INSL5: variants seen among roughly 807,000 people sequenced by gnomAD.
The protein encoded by INSL5 is insulin like 5.
A neutral mutation model predicts 4.3 loss-of-function variants in INSL5; 3 were observed. The ratio of observed to expected loss-of-function variants is 0.70; its 90% CI spans 0.32 to 1.82. The LOEUF (loss-of-function observed/expected upper bound fraction) is 1.82. INSL5 is among the 40% of genes most tolerant of loss of function. INSL5 has a pLI of 0.08. For missense variants in INSL5, 168 were observed against 160.9 expected (o/e 1.04, Z -0.24); for synonymous variants, 68 against 56.6 (o/e 1.20, Z -0.90).
rs1327925946 is a variant in INSL5, at chr1:66,800,903, ATAAT to A, written c.175+140_175+143del. The A allele has an allele frequency of 1.7e-5, 10 of 575,412 alleles. No homozygotes were observed. The South Asian group carries it at 2.1e-4, about 12-fold the overall frequency. 35.6% of individuals were successfully genotyped at this position (575,412 alleles called of 1,614,324 possible). A position where few individuals can be genotyped will look rare whatever the true frequency, so the allele number is the denominator to read the frequency against. On this transcript the variant is annotated intron_variant, in intron 1 of 1. Coordinates refer to ENST00000304526, the MANE Select transcript of INSL5 (RefSeq NM_005478.6). The stretch of plus-strand genomic sequence containing the variant: ...CCCAAGCCAAATTCAGTATATTTTG[ATAAT>A]TAATCCCTTAAATTGACATAAAAAA...
In INSL5 at chr1:66,798,031, A is replaced by T; in HGVS notation, c.390T>A (p.Asp130Glu). 6.2e-7 allele frequency: 1 copy of T among 1,613,514 alleles called. No homozygotes were observed. The highest frequency in any genetic ancestry group is 8.5e-7 in the Non-Finnish European group (1 of 1,179,484). Residue 130 changes from aspartate (D) to glutamate (E), a missense_variant, in exon 2 of 2, where the codon GAT becomes GAA. Physicochemically the swap from Asp to Glu is conservative, Grantham distance 45. Transcript: ENST00000304526. Reference sequence around the variant, plus strand: ...TCTTGTCTTAGCAAAGAGCACTCAAATCAGTCATGGAACAGCCATCAGTGC... The same window carrying T: ...TCTTGTCTTAGCAAAGAGCACTCAATTCAGTCATGGAACAGCCATCAGTGC... ...LCCTDGCSMT[D>E]LSALC
chr1:66,800,987 T>G, intron 1 of INSL5, 60 bp downstream of exon 1: 1 of 1,290,834 alleles, frequency 7.7e-7, no homozygotes, highest in Non-Finnish European at 1.1e-6. Context: ...AAAACACAGC[T>G]TGAAAAAATA....
rs767912355 is a variant in INSL5 at position 66,797,771 on chromosome 1, G to A, written c.*242C>T. 66 of 365,562 alleles carry A rather than the reference G, an allele frequency of 1.8e-4. 1 individual carries two copies. Among genetic ancestry groups the A allele is most frequent in the South Asian group, 7.4e-4 (9 of 12,146 alleles). The allele number at this position is 365,562 out of a possible 1,614,324, so 22.6% of individuals were successfully genotyped here. A position where few individuals can be genotyped will look rare whatever the true frequency, so the allele number is the denominator to read the frequency against. On this transcript the variant is annotated 3_prime_UTR_variant, in exon 2 of 2. Coordinates refer to ENST00000304526, the MANE Select transcript of INSL5 (RefSeq NM_005478.6). ...TATAGCATTTTTATTGCAATTTTGC[G>A]CAGCATTTGAAATTTCAAAGCATTA... is the stretch of plus-strand genomic sequence containing the variant.
rs556065123 is a variant in INSL5 at position 66,799,353 on chromosome 1, A to T, written c.176-1108T>A. Among the ~76,000 whole-genome samples, 55 of 152,368 alleles carry T rather than the reference A, an allele frequency of 3.6e-4. 1 individual carries two copies. In the South Asian group the frequency reaches 0.011, roughly 31 times the overall value. On this transcript the variant is annotated intron_variant, in intron 1 of 1. Coordinates refer to ENST00000304526, the MANE Select transcript of INSL5 (RefSeq NM_005478.6). Reference sequence around the variant, plus strand: ...AAATACACTCTTAAGCAAGGCACAGAAAGACAAACACCACATGATCTCACT... The same window carrying T: ...AAATACACTCTTAAGCAAGGCACAGTAAGACAAACACCACATGATCTCACT...
Position 66,797,743 on chromosome 1 carries a change from G to A in INSL5, c.*270C>T. The stretch of plus-strand genomic sequence containing the variant: ...AAAAGAAAACAGCACAGTGAGCTTG[G>A]TTTATAGCATTTTTATTGCAATTTT... On this transcript the variant is annotated 3_prime_UTR_variant, in exon 2 of 2. Transcript: ENST00000304526. The A allele has an allele frequency of 3.1e-6, 1 of 325,474 alleles. No homozygotes were observed. The highest frequency in any genetic ancestry group is 5.6e-6 in the Non-Finnish European group (1 of 178,476). 20.2% of individuals were successfully genotyped at this position (325,474 alleles called of 1,614,324 possible).
At chr1:66,799,456 G>T (rs1011067022) in intron 1 of INSL5, among the ~76,000 whole-genome samples, 2 of 152,062 alleles carry the variant, frequency 1.3e-5, no homozygotes, top group Non-Finnish European at 2.9e-5. Context: ...AGGGTGAGGG[G>T]GATGGTTGGG....
At chr1:66,799,306 T>C (rs750067974) in intron 1 of INSL5, among the ~76,000 whole-genome samples, 13 of 152,310 alleles carry the variant, frequency 8.5e-5, no homozygotes, top group Admixed American at 2.0e-4. Context: ...GTATAAAACA[T>C]AGCAAATACA....
In INSL5 at chr1:66,797,837, G is replaced by A. The variant is rs1268163679; in HGVS notation, c.*176C>T. On this transcript the variant is annotated 3_prime_UTR_variant, in exon 2 of 2. Coordinates refer to ENST00000304526, the MANE Select transcript of INSL5 (RefSeq NM_005478.6). ...AACAGTTCATTAACCTTGGCAAAGGGAGAAAATAGAGATCACTGTGGTTTC... is the reference window on the plus strand; with the variant it reads ...AACAGTTCATTAACCTTGGCAAAGGAAGAAAATAGAGATCACTGTGGTTTC... 1.8e-6 allele frequency: 1 copy of A among 567,908 alleles called. No individual in the cohort carries two copies. The highest frequency in any genetic ancestry group is 3.1e-6 in the Non-Finnish European group (1 of 319,498). The allele number at this position is 567,908 out of a possible 1,614,324, so 35.2% of individuals were successfully genotyped here.
intron 1 of INSL5, 61 bp downstream of exon 1, chr1:66,800,986 C>T: frequency 7.8e-7 from 1 of 1,280,818 alleles, no homozygotes; most frequent in Non-Finnish European, 1.1e-6. Context: ...TAAAACACAG[C>T]TTGAAAAAAT....
rs1557882338 is a variant in INSL5, at chr1:66,801,062, G to A, written c.160C>T (p.Pro54Ser). Reference sequence around the variant, plus strand: ...TTACTGTTACCTTGCTGAGCTTGAGGGATCCCCTCCTGATGCCTTCTCCAC... The same window carrying A: ...TTACTGTTACCTTGCTGAGCTTGAGAGATCCCCTCCTGATGCCTTCTCCAC... ...SRWRRHQEGI[P>S]QAQQAETGNS... Residue 54 changes from proline (P) to serine (S), a missense_variant, in exon 1 of 2, where the codon CCT (proline) becomes TCT (serine). Coordinates refer to ENST00000304526, the MANE Select transcript of INSL5 (RefSeq NM_005478.6). 1.2e-6 allele frequency: 2 copies of A among 1,611,506 alleles called. No homozygotes were observed. Among genetic ancestry groups the A allele is most frequent in the South Asian group, 2.2e-5 (2 of 90,750 alleles).
intron 1 of INSL5, among the ~76,000 whole-genome samples, 173 bp downstream of exon 1, chr1:66,800,874 C>T (rs1645371488): frequency 6.6e-6 from 1 of 152,178 alleles, no homozygotes; most frequent in South Asian, 2.1e-4. Context: ...ATGCTCATCA[C>T]TTTCCCAAGC....
At chr1:66,800,586 G>C (rs549457210) in intron 1 of INSL5, among the ~76,000 whole-genome samples, 1 of 152,140 alleles carries the variant, frequency 6.6e-6, no homozygotes, top group Non-Finnish European at 1.5e-5. Context: ...TGAATGAAAT[G>C]TTGCACATGT....
rs922962877 is a variant in INSL5 at position 66,799,256 on chromosome 1, C to G, written c.176-1011G>C. Among the ~76,000 whole-genome samples, 4 of 152,158 alleles carry G rather than the reference C, an allele frequency of 2.6e-5. No homozygotes were observed. In the East Asian group the frequency reaches 5.8e-4, roughly 22 times the overall value. On this transcript the variant is annotated intron_variant, in intron 1 of 1. Transcript: ENST00000304526. ...TTAACAATCATACATATAGTCGCAACATTTATTATGTAATCACATTTTTCC... is the reference window on the plus strand; with the variant it reads ...TTAACAATCATACATATAGTCGCAAGATTTATTATGTAATCACATTTTTCC...
At chr1:66,799,830 C>T (rs1235692434) in intron 1 of INSL5, among the ~76,000 whole-genome samples, 2 of 152,136 alleles carry the variant, frequency 1.3e-5, no homozygotes, top group African/African-American at 4.8e-5. Context: ...CGGAAGATTG[C>T]TTGAAGCCAG....
At position 66,798,112 on chromosome 1, in the gene INSL5, A is replaced by T; in HGVS notation, c.309T>A (p.Leu103=). The T allele has an allele frequency of 6.2e-7, 1 of 1,614,064 alleles. No individual in the cohort carries two copies. The highest frequency in any genetic ancestry group is 8.5e-7 in the Non-Finnish European group (1 of 1,179,966). ...TCACTGAATGCTTCTTTGACTTCCA[A>T]AGCTCTTCAGTGGGCATCTGTCCAC... ...LWGGQMPTEE[L]WKSKKHSVMS... is the part of the protein sequence containing the mutation. The change falls in exon 2 of 2, where the codon CTT becomes CTA. Residue 103 remains leucine, a synonymous_variant. Coordinates refer to ENST00000304526, the MANE Select transcript of INSL5 (RefSeq NM_005478.6).
chr1:66,799,669 G>A (rs1374876745), intron 1 of INSL5, among the ~76,000 whole-genome samples: 1 of 152,136 alleles, frequency 6.6e-6, no homozygotes, highest in Admixed American at 6.5e-5. Context: ...TATTCCACAT[G>A]TATATTGTAT....
At chr1:66,798,275 C>T in intron 1 of INSL5, 30 bp from the exon 2 acceptor site, 1 of 1,495,520 alleles carries the variant, frequency 6.7e-7, no homozygotes, top group Non-Finnish European at 9.3e-7. Flanking sequence ...ATAATACATC[C>T]TTAGACAGCT....
At position 66,797,820 on chromosome 1, in the gene INSL5, A is replaced by C; in HGVS notation, c.*193T>G. 1 of 549,572 alleles carries C rather than the reference A, an allele frequency of 1.8e-6. No individual in the cohort carries two copies. The highest frequency in any genetic ancestry group is 3.3e-5 in the Admixed American group (1 of 30,714). The allele number at this position is 549,572 out of a possible 1,614,324, so 34.0% of individuals were successfully genotyped here. A position where few individuals can be genotyped will look rare whatever the true frequency, so the allele number is the denominator to read the frequency against. ...TAGTAGAATTTGAAAAGAACAGTTCATTAACCTTGGCAAAGGGAGAAAATA... is the reference window on the plus strand; with the variant it reads ...TAGTAGAATTTGAAAAGAACAGTTCCTTAACCTTGGCAAAGGGAGAAAATA... On this transcript the variant is annotated 3_prime_UTR_variant, in exon 2 of 2. Coordinates refer to ENST00000304526, the MANE Select transcript of INSL5 (RefSeq NM_005478.6).
At chr1:66,799,667 A>G (rs938489659) in intron 1 of INSL5, among the ~76,000 whole-genome samples, 5 of 152,224 alleles carry the variant, frequency 3.3e-5, no homozygotes, top group African/African-American at 1.2e-4. Flanking sequence ...GCTATTCCAC[A>G]TGTATATTGT....
Sources: allele counts gnomAD v4.1 joint callset (sites outside exome capture counted in the v4.1 genomes callset), GRCh38; gene constraint gnomAD v4.1.1; transcripts MANE v1.5; gene names NCBI Gene and HGNC (gene_info 2026-07-23, HGNC 2026-07-21).